The following RPA3 variants were observed in gnomAD, a reference collection of about 807,000 sequenced individuals.
RPA3 encodes the protein replication protein A3, also known as replication protein A 14 kDa subunit.
RPA3 carries 24 observed loss-of-function variants against 13.7 expected under a neutral mutation model. The observed-to-expected ratio is 1.75, with a 90% confidence interval of 1.27 to 2.46. The LOEUF is 2.46. Among genes scored for constraint, RPA3 ranks in the 30% most tolerant of loss-of-function variants. The probability of loss-of-function intolerance (pLI) is 0.00; values close to 1 mark genes in which losing one functional copy is unlikely to be tolerated. For synonymous variants in RPA3, 59 were observed against 51.2 expected, an observed-to-expected ratio of 1.15 and a Z score of -0.65; for missense variants, 183 against 151.0, an observed-to-expected ratio of 1.21 and a Z score of -1.11.
chr7:7,676,955 CAT>C (rs1029581838), intron 4 of RPA3, among the ~76,000 whole-genome samples: 10 of 152,042 alleles, frequency 6.6e-5, no homozygotes, highest in Non-Finnish European at 1.3e-4. Context: ...TCTATACTGA[CAT>C]ATATAATATC....
intron 4 of RPA3, among the ~76,000 whole-genome samples, chr7:7,682,742 C>T (rs1420140752): frequency 2.6e-5 from 4 of 152,206 alleles, no homozygotes; most frequent in Non-Finnish European, 4.4e-5. Flanking sequence ...ACCCACGTAT[C>T]GGGATATCCA....
chr7:7,694,231 T>C (rs1252670236), intron 2 of RPA3, among the ~76,000 whole-genome samples: 1 of 152,044 alleles, frequency 6.6e-6, no homozygotes, highest in Non-Finnish European at 1.5e-5. Flanking sequence ...TTGGTAACTT[T>C]TTATTTTTAA....
intron 4 of RPA3, among the ~76,000 whole-genome samples, chr7:7,643,962 C>A (rs947423433): frequency 6.6e-6 from 1 of 152,086 alleles, no homozygotes; most frequent in African/African-American, 2.4e-5. Context: ...TGCTACTGAC[C>A]CGTGAGGATA....
intron 4 of RPA3, among the ~76,000 whole-genome samples, chr7:7,647,465 A>G (rs945113404): frequency 3.3e-5 from 5 of 152,180 alleles, no homozygotes; most frequent in Admixed American, 2.6e-4. Flanking sequence ...CAGTTGTTGG[A>G]TCCAGTGTGT....
chr7:7,709,654 C>T (rs1181854744), intron 2 of RPA3, among the ~76,000 whole-genome samples: 1 of 152,190 alleles, frequency 6.6e-6, no homozygotes, highest in African/African-American at 2.4e-5. Context: ...TGGTATGTTC[C>T]TGTATTACAA....
chr7:7,693,295 T>TTATCTATCTATCTATCTATCTATC (rs1250261083), intron 2 of RPA3, among the ~76,000 whole-genome samples: 35 of 148,996 alleles, frequency 2.3e-4, no homozygotes, highest in East Asian at 5.9e-4. Flanking sequence ...TAAAATATCT[T>TTATCTATCTATCTATCTATCTATC]TATCTATCTA....
chr7:7,710,588 C>G (rs551288341), intron 2 of RPA3, among the ~76,000 whole-genome samples: 1 of 152,210 alleles, frequency 6.6e-6, no homozygotes, highest in African/African-American at 2.4e-5. Context: ...GAATCTGGAT[C>G]ACTTATTGAT....
chr7:7,678,125 A>G (rs1779794672), intron 4 of RPA3, among the ~76,000 whole-genome samples: 1 of 99,344 alleles, frequency 1.0e-5, no homozygotes, highest in African/African-American at 4.4e-5. Context: ...GCTGTATCAT[A>G]TAGTAGTTCT....
At chr7:7,657,667 G>T (rs1305883935) in intron 4 of RPA3, among the ~76,000 whole-genome samples, 4 of 151,900 alleles carry the variant, frequency 2.6e-5, no homozygotes, top group African/African-American at 9.7e-5. Flanking sequence ...TTCCATTGGT[G>T]TATATCTCTG....
intron 1 of RPA3, among the ~76,000 whole-genome samples, chr7:7,715,545 G>A (rs1175029428): frequency 6.6e-6 from 1 of 152,142 alleles, no homozygotes; most frequent in Admixed American, 6.6e-5. Context: ...TAGGTGCTGT[G>A]CTGGGTGTTG....
chr7:7,670,239 T>C (rs1337623098), intron 4 of RPA3, among the ~76,000 whole-genome samples: 1 of 152,238 alleles, frequency 6.6e-6, no homozygotes, highest in African/African-American at 2.4e-5. Flanking sequence ...ATATCCGTGT[T>C]TGTTCCATTT....
chr7:7,651,704 G>A (rs1045619951), intron 4 of RPA3, among the ~76,000 whole-genome samples: 1 of 152,128 alleles, frequency 6.6e-6, no homozygotes, highest in Admixed American at 6.5e-5. Context: ...CACATTTCCT[G>A]GTTCACTCAA....
intron 4 of RPA3, among the ~76,000 whole-genome samples, chr7:7,666,113 T>C (rs753485490): frequency 9.8e-5 from 15 of 152,318 alleles, no homozygotes; most frequent in Non-Finnish European, 1.6e-4. Flanking sequence ...CATATTACCC[T>C]TCTACCACAA....
chr7:7,637,129 T>C, intron 7 of RPA3, 47 bp from the exon 8 acceptor site: 1 of 1,239,024 alleles, frequency 8.1e-7, no homozygotes, highest in Non-Finnish European at 1.2e-6. Context: ...TGGAAAGTTG[T>C]AACATCAATT....
chr7:7,662,102 T>A (rs1785488863), intron 4 of RPA3, among the ~76,000 whole-genome samples: 1 of 152,292 alleles, frequency 6.6e-6, no homozygotes, highest in African/African-American at 2.4e-5. Flanking sequence ...CATCTTTGTT[T>A]ACACTGTGAG....
At chr7:7,687,638 A>C (rs1181270406) in intron 2 of RPA3, among the ~76,000 whole-genome samples, 3 of 152,208 alleles carry the variant, frequency 2.0e-5, no homozygotes, top group African/African-American at 7.2e-5. Flanking sequence ...ACATTATTAA[A>C]GAGAATTGCT....
At chr7:7,640,164 A>G (rs1380118200) in intron 5 of RPA3, 156 bp downstream of exon 5, 7 of 756,924 alleles carry the variant, frequency 9.2e-6, no homozygotes, top group African/African-American at 1.8e-5. Flanking sequence ...TGGGGCTACA[A>G]CGGCTAAAGA....
At chr7:7,650,075 A>G (rs1785190246) in intron 4 of RPA3, among the ~76,000 whole-genome samples, 1 of 152,250 alleles carries the variant, frequency 6.6e-6, no homozygotes, top group South Asian at 2.1e-4. Flanking sequence ...AGAAGCATGC[A>G]TATTAATCTT....
intron 1 of RPA3, among the ~76,000 whole-genome samples, chr7:7,716,614 C>T (rs938953409): frequency 6.6e-6 from 1 of 152,194 alleles, no homozygotes; most frequent in African/African-American, 2.4e-5. Context: ...ATGGTGCTGG[C>T]CAGGTAGCAA....
Sources: gnomAD v4.1 joint callset for allele counts (sites outside exome capture counted in the v4.1 genomes callset) on GRCh38, gnomAD v4.1.1 for gene constraint, MANE v1.5 for transcripts, NCBI Gene and HGNC (gene_info 2026-07-23, HGNC 2026-07-21) for gene names.